Variants in SMG6 observed in about 807,000 individuals in gnomAD.
SMG6 encodes telomerase-binding protein EST1A.
SMG6 carries 66 observed loss-of-function variants against 142.2 expected under a neutral mutation model. That is an observed-to-expected ratio of 0.46 (90% confidence interval 0.38 to 0.57). The LOEUF (loss-of-function observed/expected upper bound fraction) is 0.57, where lower values mean the gene tolerates loss of function less well. SMG6 is among the 20% of genes least tolerant of loss of function. The probability of loss-of-function intolerance (pLI) is 0.00; values close to 1 mark genes in which losing one functional copy is unlikely to be tolerated. For missense variants in SMG6, 1,793 were observed against 1,832.0 expected (o/e 0.98, Z 0.39); for synonymous variants, 779 against 702.4 (o/e 1.11, Z -1.72).
At chr17:2,169,311 TAAAAA>T (rs879584928) in intron 13 of SMG6, among the ~76,000 whole-genome samples, 1 of 136,886 alleles carries the variant, frequency 7.3e-6, no homozygotes, top group Non-Finnish European at 1.6e-5. Flanking sequence ...ACTCATCTCT[TAAAAA>T]AAAAAAAAAG....
chr17:2,136,428 A>G (rs1482004041), intron 13 of SMG6, among the ~76,000 whole-genome samples: 6 of 152,158 alleles, frequency 3.9e-5, no homozygotes, highest in Non-Finnish European at 8.8e-5. Context: ...AAATCATGGC[A>G]TTTCTTCATT....
chr17:2,239,408 C>T (rs1002265908), intron 9 of SMG6, among the ~76,000 whole-genome samples: 5 of 152,098 alleles, frequency 3.3e-5, no homozygotes, highest in South Asian at 2.1e-4. Flanking sequence ...CATTTATAAT[C>T]GCCAAAAATT....
intron 13 of SMG6, among the ~76,000 whole-genome samples, chr17:2,155,545 G>T (rs753039083): frequency 3.3e-5 from 5 of 152,148 alleles, no homozygotes; most frequent in African/African-American, 1.2e-4. Context: ...GAGCAAGTAG[G>T]TTCCATGGAA....
intron 6 of SMG6, among the ~76,000 whole-genome samples, chr17:2,286,307 CAAAA>C (rs74656326): frequency 1.1e-5 from 1 of 89,316 alleles, no homozygotes; most frequent in Non-Finnish European, 2.3e-5. Context: ...CTCAAATGGC[CAAAA>C]AAAAAAAAAA....
intron 14 of SMG6, among the ~76,000 whole-genome samples, chr17:2,082,961 C>T (rs905248759): frequency 3.3e-5 from 5 of 152,210 alleles, no homozygotes; most frequent in African/African-American, 1.2e-4. Flanking sequence ...TCACAACAGC[C>T]TGTGAGATAA....
chr17:2,233,702 C>T (rs2073564467), intron 10 of SMG6: 1 of 150,680 alleles, frequency 6.6e-6, no homozygotes, highest in Non-Finnish European at 1.5e-5. Context: ...GCCACAACAC[C>T]CCCTTATTGC....
At chr17:2,127,902 C>T in intron 13 of SMG6, 1 of 566,908 alleles carries the variant, frequency 1.8e-6, no homozygotes, top group South Asian at 1.4e-5. Flanking sequence ...AGACGATGTC[C>T]ACGTTGGCCT....
At chr17:2,236,669 C>A in intron 9 of SMG6, 32 bp from the exon 10 acceptor site, 1 of 1,590,924 alleles carries the variant, frequency 6.3e-7, no homozygotes, top group Non-Finnish European at 8.6e-7. Flanking sequence ...CAATGAGGCA[C>A]CTCTCTCTTT....
intron 3 of SMG6, among the ~76,000 whole-genome samples, chr17:2,297,617 A>G (rs2075172288): frequency 6.6e-6 from 1 of 152,040 alleles, no homozygotes; most frequent in African/African-American, 2.4e-5. Context: ...AAACACATAC[A>G]TACACATTCT....
At chr17:2,237,341 TAC>T (rs1422685896) in intron 9 of SMG6, 2 of 210,900 alleles carry the variant, frequency 9.5e-6, no homozygotes, top group Non-Finnish European at 1.6e-5. Context: ...GTGCTGGGAT[TAC>T]AGGCATGAGC....
intron 8 of SMG6, among the ~76,000 whole-genome samples, chr17:2,246,719 G>A (rs1199552680): frequency 1.3e-5 from 2 of 152,212 alleles, no homozygotes; most frequent in African/African-American, 4.8e-5. Flanking sequence ...GCCATGGCAG[G>A]TGGATCAATT....
At chr17:2,139,238 A>G (rs2070397340) in intron 13 of SMG6, among the ~76,000 whole-genome samples, 1 of 152,188 alleles carries the variant, frequency 6.6e-6, no homozygotes, top group African/African-American at 2.4e-5. Context: ...ACAGCCCCCA[A>G]ATGGGGTAGG....
chr17:2,174,537 G>A (rs2071600953), intron 12 of SMG6, among the ~76,000 whole-genome samples: 1 of 152,186 alleles, frequency 6.6e-6, no homozygotes. Context: ...TTTCAAGAGT[G>A]TCCTGGGAAC....
At chr17:2,291,744 T>G (rs1249509462) in intron 6 of SMG6, among the ~76,000 whole-genome samples, 6 of 94,738 alleles carry the variant, frequency 6.3e-5, no homozygotes, top group African/African-American at 1.8e-4. Flanking sequence ...CAGCAGTGTG[T>G]GCCTGCAGTC....
At chr17:2,171,732 CTT>C (rs370221402) in intron 13 of SMG6, among the ~76,000 whole-genome samples, 387 of 138,112 alleles carry the variant, frequency 2.8e-3, no homozygotes, top group African/African-American at 8.1e-3. Flanking sequence ...GGAATTTTTA[CTT>C]TTTTTTTTTT....
At chr17:2,268,357 T>C (rs2074469450) in intron 8 of SMG6, among the ~76,000 whole-genome samples, 1 of 152,170 alleles carries the variant, frequency 6.6e-6, no homozygotes, top group Admixed American at 6.5e-5. Flanking sequence ...GATCTATAAT[T>C]GTTTTGCGGG....
At chr17:2,111,207 C>T (rs2069306564) in intron 13 of SMG6, among the ~76,000 whole-genome samples, 2 of 150,040 alleles carry the variant, frequency 1.3e-5, no homozygotes, top group Admixed American at 6.6e-5. Flanking sequence ...GAACTTAAAA[C>T]ATTTTTCTGA....
intron 13 of SMG6, among the ~76,000 whole-genome samples, chr17:2,121,410 CT>C: frequency 6.6e-6 from 1 of 152,056 alleles, no homozygotes; most frequent in Middle Eastern, 3.4e-3. Context: ...AGAGCATGTA[CT>C]TATTGTGTGA....
At chr17:2,224,397 A>G (rs1233559772) in intron 10 of SMG6, among the ~76,000 whole-genome samples, 1 of 152,208 alleles carries the variant, frequency 6.6e-6, no homozygotes, top group Non-Finnish European at 1.5e-5. Flanking sequence ...AGAAACCATA[A>G]AGAAAGTCAA....
Sources: gnomAD v4.1 joint callset for allele counts (sites outside exome capture counted in the v4.1 genomes callset) on GRCh38, gnomAD v4.1.1 for gene constraint, MANE v1.5 for transcripts, NCBI Gene and HGNC (gene_info 2026-07-23, HGNC 2026-07-21) for gene names.